Variants in RGS6 observed in about 807,000 individuals in gnomAD.
RGS6 encodes the protein regulator of G-protein signaling 6.
A neutral mutation model predicts 78.5 loss-of-function variants in RGS6; 30 were observed. The observed-to-expected ratio is 0.38, with a 90% CI of 0.29 to 0.52. RGS6 has a LOEUF of 0.52. RGS6 is among the 20% of genes least tolerant of loss of function. The pLI is 0.85. For missense variants in RGS6, 495 were observed against 609.7 expected, an observed-to-expected ratio of 0.81 and a Z score of 1.98; for synonymous variants, 206 against 206.0, an observed-to-expected ratio of 1.00 and a Z score of 0.00.
chr14:72,255,229 C>CGGTT (rs972088216), intron 2 of RGS6, among the ~76,000 whole-genome samples: 62 of 152,196 alleles, frequency 4.1e-4, no homozygotes, highest in African/African-American at 1.3e-3. Context: ...AGGCTGTCCC[C>CGGTT]GGTTGTCTCA....
At chr14:72,108,447 G>A (rs1468721101) in intron 2 of RGS6, among the ~76,000 whole-genome samples, 6 of 151,488 alleles carry the variant, frequency 4.0e-5, no homozygotes, top group Non-Finnish European at 8.8e-5. Context: ...TTCTTTTTTT[G>A]TATCTTAGGA....
At chr14:72,241,366 G>C (rs970806509) in intron 2 of RGS6, among the ~76,000 whole-genome samples, 1 of 152,098 alleles carries the variant, frequency 6.6e-6, no homozygotes, top group African/African-American at 2.4e-5. Flanking sequence ...TCTGTCTTCT[G>C]ATCCAGCTCT....
chr14:71,980,896 C>T (rs1042234684), intron 2 of RGS6, among the ~76,000 whole-genome samples: 1 of 97,296 alleles, frequency 1.0e-5, no homozygotes, highest in Non-Finnish European at 2.1e-5. Flanking sequence ...CTTTCAGGTA[C>T]ACCAATCAGA....
At chr14:72,116,665 C>T (rs1210751398) in intron 2 of RGS6, among the ~76,000 whole-genome samples, 1 of 151,932 alleles carries the variant, frequency 6.6e-6, no homozygotes, top group East Asian at 1.9e-4. Context: ...AATAGGTGCT[C>T]TTAAGAATAT....
At chr14:71,940,879 C>T (rs1189293169) in intron 1 of RGS6, among the ~76,000 whole-genome samples, 1 of 152,202 alleles carries the variant, frequency 6.6e-6, no homozygotes, top group African/African-American at 2.4e-5. Flanking sequence ...TCCACTCCAC[C>T]ACCCCAATCT....
At chr14:72,103,385 A>G (rs2095566378) in intron 2 of RGS6, among the ~76,000 whole-genome samples, 1 of 152,190 alleles carries the variant, frequency 6.6e-6, no homozygotes, top group Non-Finnish European at 1.5e-5. Context: ...GAAAAGTCCC[A>G]TTTTATCTGT....
At chr14:72,025,445 A>G (rs1010028770) in intron 2 of RGS6, among the ~76,000 whole-genome samples, 1 of 152,192 alleles carries the variant, frequency 6.6e-6, no homozygotes, top group Non-Finnish European at 1.5e-5. Context: ...CTCCAGGCAT[A>G]AAAGATATTA....
intron 2 of RGS6, among the ~76,000 whole-genome samples, chr14:72,112,454 C>T (rs1041595716): frequency 6.6e-6 from 1 of 152,142 alleles, no homozygotes; most frequent in Non-Finnish European, 1.5e-5. Context: ...GGATTCTAAG[C>T]CTCATTCATC....
chr14:72,149,681 A>G (rs2096656555), intron 2 of RGS6, among the ~76,000 whole-genome samples: 1 of 152,232 alleles, frequency 6.6e-6, no homozygotes, highest in African/African-American at 2.4e-5. Context: ...AAAAAGTAGA[A>G]GCAAACAGTG....
At chr14:72,517,124 A>G (rs971850227) in intron 14 of RGS6, among the ~76,000 whole-genome samples, 3 of 133,992 alleles carry the variant, frequency 2.2e-5, no homozygotes, top group African/African-American at 5.2e-5. Flanking sequence ...ACAGAAAAAC[A>G]TGTTTAACCC....
At chr14:72,042,552 A>T (rs1370957512) in intron 2 of RGS6, among the ~76,000 whole-genome samples, 1 of 152,168 alleles carries the variant, frequency 6.6e-6, no homozygotes, top group Non-Finnish European at 1.5e-5. Context: ...TACATTTTGT[A>T]TGTATCTGTA....
At chr14:71,999,373 G>A (rs1397378129) in intron 2 of RGS6, among the ~76,000 whole-genome samples, 12 of 152,228 alleles carry the variant, frequency 7.9e-5, no homozygotes, top group Non-Finnish European at 1.0e-4. Flanking sequence ...AAATGCTCCC[G>A]GGATGGTGCG....
intron 2 of RGS6, among the ~76,000 whole-genome samples, chr14:72,187,084 G>A (rs2153709564): frequency 6.6e-6 from 1 of 152,248 alleles, no homozygotes; most frequent in Admixed American, 6.5e-5. Context: ...GCCCTCAAAA[G>A]CTTTAAAGGG....
intron 3 of RGS6, among the ~76,000 whole-genome samples, chr14:72,437,880 G>A (rs1381012959): frequency 1.3e-5 from 2 of 152,146 alleles, no homozygotes; most frequent in Non-Finnish European, 2.9e-5. Context: ...GATACTTCAG[G>A]GAGTCTGCTG....
At chr14:72,101,476 A>G (rs2095526520) in intron 2 of RGS6, among the ~76,000 whole-genome samples, 2 of 152,210 alleles carry the variant, frequency 1.3e-5, no homozygotes, top group African/African-American at 4.8e-5. Flanking sequence ...CTGAGCACTT[A>G]GAGAATACTG....
intron 2 of RGS6, among the ~76,000 whole-genome samples, chr14:72,053,567 G>A (rs1249117557): frequency 6.6e-6 from 1 of 152,162 alleles, no homozygotes; most frequent in Non-Finnish European, 1.5e-5. Context: ...ATTTTATTTA[G>A]CATAATGTCC....
chr14:72,504,735 C>CCCTTCCCTCT (rs1176763143), intron 13 of RGS6, among the ~76,000 whole-genome samples: 1 of 150,490 alleles, frequency 6.6e-6, no homozygotes, highest in East Asian at 1.9e-4. Flanking sequence ...CCCTCCTCTC[C>CCCTTCCCTCT]CCTTCCCTCT....
chr14:72,621,800 G>T, the RGS6 span, among the ~76,000 whole-genome samples: 1 of 152,188 alleles, frequency 6.6e-6, no homozygotes, highest in African/African-American at 2.4e-5. Context: ...TAGATGGGGA[G>T]AGTGATAGGG....
At chr14:72,152,920 G>T in intron 2 of RGS6, among the ~76,000 whole-genome samples, 1 of 152,142 alleles carries the variant, frequency 6.6e-6, no homozygotes, top group African/African-American at 2.4e-5. Flanking sequence ...AAACAGGGAT[G>T]CTCTGCAGAG....
Sources: allele counts gnomAD v4.1 joint callset (sites outside exome capture counted in the v4.1 genomes callset), GRCh38; gene constraint gnomAD v4.1.1; transcripts MANE v1.5; gene names NCBI Gene and HGNC (gene_info 2026-07-23, HGNC 2026-07-21).